The following TFPI variants were observed in gnomAD, a reference collection of about 807,000 sequenced individuals.
The protein encoded by TFPI is tissue factor pathway inhibitor.
In TFPI, 15 loss-of-function variants were observed where a neutral mutation model predicts 34.6. The ratio of observed to expected loss-of-function variants is 0.43; its 90% CI spans 0.29 to 0.67. TFPI has a LOEUF of 0.67. TFPI is among the 30% of genes least tolerant of loss of function. TFPI has a pLI of 0.15. For missense variants in TFPI, 301 were observed against 364.0 expected, an observed-to-expected ratio of 0.83 and a Z score of 1.41; for synonymous variants, 105 against 120.1, an observed-to-expected ratio of 0.87 and a Z score of 0.82.
chr2:187,498,112 G>GA (rs1685609499), intron 2 of TFPI, among the ~76,000 whole-genome samples: 1 of 151,414 alleles, frequency 6.6e-6, no homozygotes, highest in African/African-American at 2.4e-5. Context: ...TAAATATCTT[G>GA]AAAAAAAGTG....
intron 3 of TFPI, among the ~76,000 whole-genome samples, chr2:187,496,299 A>G (rs1465511414): frequency 6.6e-6 from 1 of 152,162 alleles, no homozygotes; most frequent in Admixed American, 6.5e-5. Context: ...ATTAAGAGCC[A>G]TAGAGCTTCA....
chr2:187,482,606 T>C (rs909713266), intron 6 of TFPI, among the ~76,000 whole-genome samples: 3 of 152,074 alleles, frequency 2.0e-5, no homozygotes, highest in African/African-American at 7.2e-5. Flanking sequence ...ATCCCCTTAA[T>C]GACCTCTTAA....
chr2:187,484,608 A>G (rs1335512833), intron 5 of TFPI: 1 of 515,300 alleles, frequency 1.9e-6, no homozygotes, highest in Non-Finnish European at 3.3e-6. Flanking sequence ...TGCAACATAA[A>G]AAGTATTAGA....
intron 1 of TFPI, among the ~76,000 whole-genome samples, chr2:187,513,179 T>A (rs1249008615): frequency 6.6e-6 from 1 of 152,198 alleles, no homozygotes; most frequent in Admixed American, 6.5e-5. Flanking sequence ...GAAAATTCTG[T>A]GTGTAAACAT....
intron 1 of TFPI, among the ~76,000 whole-genome samples, chr2:187,545,263 GA>G (rs1427803839): frequency 6.6e-6 from 1 of 152,084 alleles, no homozygotes; most frequent in Non-Finnish European, 1.5e-5. Context: ...AGTATTAAAA[GA>G]AAATCCCTTG....
chr2:187,507,935 T>C (rs1686341617), intron 1 of TFPI, among the ~76,000 whole-genome samples: 2 of 152,250 alleles, frequency 1.3e-5, no homozygotes, highest in South Asian at 4.1e-4. Flanking sequence ...AGGGTTTTTA[T>C]GGTTTTAGGT....
intron 6 of TFPI, among the ~76,000 whole-genome samples, chr2:187,470,081 A>G (rs1691945973): frequency 1.3e-5 from 2 of 152,144 alleles, no homozygotes; most frequent in African/African-American, 4.8e-5. Context: ...GGAAATTACT[A>G]TCGCTTTTTT....
intron 6 of TFPI, among the ~76,000 whole-genome samples, chr2:187,475,992 A>C (rs1034437240): frequency 2.6e-5 from 4 of 152,314 alleles, no homozygotes; most frequent in African/African-American, 9.6e-5. Context: ...AGTTCTAATC[A>C]AAATATGTCA....
chr2:187,509,541 C>G (rs1406372208), intron 1 of TFPI, among the ~76,000 whole-genome samples: 2 of 152,206 alleles, frequency 1.3e-5, no homozygotes, highest in East Asian at 3.9e-4. Flanking sequence ...GTGTATATGT[C>G]CAGGAACTTA....
chr2:187,501,313 G>A (rs2106109122), intron 2 of TFPI, among the ~76,000 whole-genome samples: 1 of 98,178 alleles, frequency 1.0e-5, no homozygotes, highest in Non-Finnish European at 2.0e-5. Context: ...CCCGCCCCAT[G>A]TCCTGGGATG....
chr2:187,522,643 G>A (rs542719057), intron 1 of TFPI, among the ~76,000 whole-genome samples: 1 of 151,326 alleles, frequency 6.6e-6, no homozygotes, highest in Non-Finnish European at 1.5e-5. Flanking sequence ...CAGCACTTTG[G>A]GAGGCGGAGG....
At chr2:187,547,716 TG>T (rs1389553904) in intron 1 of TFPI, 6 of 152,188 alleles carry the variant, frequency 3.9e-5, no homozygotes, top group Non-Finnish European at 8.8e-5. Flanking sequence ...AGGTAATTGG[TG>T]CCACTTTATT....
intron 1 of TFPI, among the ~76,000 whole-genome samples, chr2:187,529,844 T>G (rs1687869951): frequency 6.6e-6 from 1 of 152,212 alleles, no homozygotes; most frequent in African/African-American, 2.4e-5. Flanking sequence ...GCTATAGACT[T>G]TGATTCTCTG....
chr2:187,545,624 G>C (rs10179730), intron 1 of TFPI, among the ~76,000 whole-genome samples: 1 of 152,010 alleles, frequency 6.6e-6, no homozygotes, highest in South Asian at 2.1e-4. Context: ...TTTCCTTTTT[G>C]TCACCTAAAG....
chr2:187,544,603 T>G (rs1436471457), intron 1 of TFPI: 2 of 147,554 alleles, frequency 1.4e-5, no homozygotes, highest in African/African-American at 5.0e-5. Context: ...ATTGTGCCAC[T>G]GCGCTCCAGC....
chr2:187,502,615 C>T (rs1685924830), intron 2 of TFPI, among the ~76,000 whole-genome samples: 1 of 152,146 alleles, frequency 6.6e-6, no homozygotes, highest in African/African-American at 2.4e-5. Flanking sequence ...CCTTGTGGAG[C>T]CCTCAGAGAG....
chr2:187,467,336 GTTGA>G (rs747882764), intron 7 of TFPI, among the ~76,000 whole-genome samples: 48 of 152,000 alleles, frequency 3.2e-4, no homozygotes, highest in Middle Eastern at 3.9e-3. Flanking sequence ...GTTGTATGTG[GTTGA>G]TTAAGTTACA....
chr2:187,523,473 C>A (rs1687515497), intron 1 of TFPI, among the ~76,000 whole-genome samples: 1 of 152,044 alleles, frequency 6.6e-6, no homozygotes, highest in Non-Finnish European at 1.5e-5. Flanking sequence ...TAGTTCAGCC[C>A]TCCTCCACCC....
chr2:187,549,783 GTTT>G (rs1224807793), intron 1 of TFPI, among the ~76,000 whole-genome samples: 4 of 151,522 alleles, frequency 2.6e-5, no homozygotes, highest in Non-Finnish European at 5.9e-5. Context: ...TTCATCTTTT[GTTT>G]TTTAAGGTGT....
Sources: allele counts gnomAD v4.1 joint callset (sites outside exome capture counted in the v4.1 genomes callset), GRCh38; gene constraint gnomAD v4.1.1; transcripts MANE v1.5; gene names NCBI Gene and HGNC (gene_info 2026-07-23, HGNC 2026-07-21).